Variants in SETBP1 observed in about 807,000 individuals in gnomAD.
SETBP1 encodes the protein SET-binding protein.
In SETBP1, 9 loss-of-function variants were observed where a neutral mutation model predicts 101.0. The observed-to-expected ratio is 0.09, with a 90% CI of 0.05 to 0.16. The LOEUF (loss-of-function observed/expected upper bound fraction) is 0.16. SETBP1 is among the 10% of genes least tolerant of loss of function. SETBP1 has a pLI of 1.00. For missense variants in SETBP1, 1,858 were observed against 2,033.8 expected (o/e 0.91, Z 1.66); for synonymous variants, 818 against 788.5 (o/e 1.04, Z -0.63).
intron 2 of SETBP1, among the ~76,000 whole-genome samples, chr18:44,832,533 G>A (rs1219802467): frequency 1.3e-5 from 2 of 152,218 alleles, no homozygotes; most frequent in African/African-American, 4.8e-5. Flanking sequence ...ATCCCAGGAT[G>A]CAAACTAGTC....
intron 3 of SETBP1, among the ~76,000 whole-genome samples, chr18:44,918,256 T>A (rs1169889600): frequency 6.6e-6 from 1 of 152,222 alleles, no homozygotes; most frequent in Non-Finnish European, 1.5e-5. Context: ...TTATACTTTC[T>A]GGCAACATGC....
chr18:44,768,825 C>T (rs909305143), intron 2 of SETBP1, among the ~76,000 whole-genome samples: 5 of 152,210 alleles, frequency 3.3e-5, no homozygotes, highest in African/African-American at 4.8e-5. Flanking sequence ...CTCCTGGAAA[C>T]CCTCATAAGA....
chr18:45,013,532 C>T (rs942440364), intron 4 of SETBP1, among the ~76,000 whole-genome samples: 11 of 152,136 alleles, frequency 7.2e-5, no homozygotes, highest in South Asian at 6.2e-4. Flanking sequence ...TTCTGCCTCC[C>T]GGGTTCAAGC....
chr18:44,864,440 C>G (rs1555693159), intron 2 of SETBP1, among the ~76,000 whole-genome samples: 2 of 151,416 alleles, frequency 1.3e-5, no homozygotes, highest in African/African-American at 2.4e-5. Flanking sequence ...CCCTCAAGCT[C>G]AGAGAGAGAG....
intron 1 of SETBP1, among the ~76,000 whole-genome samples, chr18:44,700,240 G>A (rs901587110): frequency 1.1e-4 from 16 of 152,118 alleles, no homozygotes; most frequent in African/African-American, 3.9e-4. Context: ...AGTTTGGAGA[G>A]AGCCTAACTG....
At chr18:45,031,745 A>C (rs1252561264) in intron 4 of SETBP1, among the ~76,000 whole-genome samples, 1 of 152,134 alleles carries the variant, frequency 6.6e-6, no homozygotes, top group Non-Finnish European at 1.5e-5. Context: ...GTAACCCCAA[A>C]ACTTTTACAA....
Position 45,011,485 on chromosome 18 carries a change from T to C in SETBP1, c.4001-27000T>C, listed in dbSNP as rs183274067. Among the ~76,000 whole-genome samples, 53 of 152,328 alleles carry C rather than the reference T, an allele frequency of 3.5e-4. No homozygotes were observed. In the East Asian group the frequency reaches 9.4e-3, roughly 27 times the overall value. On this transcript the variant is annotated intron_variant, in intron 4 of 5. Transcript: ENST00000649279. Reference sequence around the variant, plus strand: ...AAGGGTGTCTCAGTGGAAATCACCATGCTGCTTCCTTCATCCACAGAGTCT... The same window carrying C: ...AAGGGTGTCTCAGTGGAAATCACCACGCTGCTTCCTTCATCCACAGAGTCT...
chr18:44,989,868 C>CAAAAAAAAAAAAAA (rs1169222498), intron 4 of SETBP1, among the ~76,000 whole-genome samples: 1 of 15,426 alleles, frequency 6.5e-5, no homozygotes, highest in Non-Finnish European at 1.2e-4. Context: ...GACTCCGTCT[C>CAAAAAAAAAAAAAA]AAAAAAAAAA....
At chr18:44,790,405 T>C (rs2071345804) in intron 2 of SETBP1, among the ~76,000 whole-genome samples, 1 of 152,184 alleles carries the variant, frequency 6.6e-6, no homozygotes. Flanking sequence ...GAGCAGAAGG[T>C]ATTTATTAGA....
At chr18:44,814,294 T>G (rs1164532844) in intron 2 of SETBP1, among the ~76,000 whole-genome samples, 1 of 152,198 alleles carries the variant, frequency 6.6e-6, no homozygotes, top group Non-Finnish European at 1.5e-5. Flanking sequence ...AGATGCAAGA[T>G]AGTTGTGGTA....
chr18:44,830,577 G>C (rs115280000), intron 2 of SETBP1, among the ~76,000 whole-genome samples: 4,932 of 152,198 alleles, frequency 0.032, 274 homozygotes, highest in African/African-American at 0.11. Context: ...TATACGAAGG[G>C]TGTTTCTGCT....
At chr18:44,912,476 CTT>C (rs1176417163) in intron 3 of SETBP1, among the ~76,000 whole-genome samples, 1 of 152,044 alleles carries the variant, frequency 6.6e-6, no homozygotes, top group Non-Finnish European at 1.5e-5. Flanking sequence ...TTTAAGGAAA[CTT>C]TTTGTTTTTT....
chr18:44,830,748 A>G (rs556878750), intron 2 of SETBP1, among the ~76,000 whole-genome samples: 2 of 152,304 alleles, frequency 1.3e-5, no homozygotes, highest in East Asian at 1.9e-4. Flanking sequence ...AAAACCACAC[A>G]CAAGTTTTAA....
intron 2 of SETBP1, among the ~76,000 whole-genome samples, chr18:44,711,704 ATTTTTT>A (rs11376628): frequency 5.6e-5 from 7 of 125,654 alleles, no homozygotes; most frequent in African/African-American, 9.2e-5. Context: ...TTATCTTTAA[ATTTTTT>A]TTTTTTTTTT....
intron 4 of SETBP1, among the ~76,000 whole-genome samples, chr18:44,975,731 A>T (rs1431528330): frequency 1.3e-5 from 2 of 152,226 alleles, no homozygotes; most frequent in Non-Finnish European, 2.9e-5. Context: ...AGGAAAAGTC[A>T]TCTTTTCCCA....
At chr18:45,048,625 T>C (rs906623780) in intron 5 of SETBP1, among the ~76,000 whole-genome samples, 1 of 150,938 alleles carries the variant, frequency 6.6e-6, no homozygotes, top group South Asian at 2.1e-4. Flanking sequence ...TTGTCAACCT[T>C]TTTTTTTTAA....
intron 2 of SETBP1, among the ~76,000 whole-genome samples, chr18:44,744,897 G>T (rs2070200293): frequency 6.6e-6 from 1 of 152,042 alleles, no homozygotes; most frequent in African/African-American, 2.4e-5. Flanking sequence ...TCAGGGCATT[G>T]TCCAGGGTGG....
chr18:44,738,380 AAAG>A (rs1417052500), intron 2 of SETBP1, among the ~76,000 whole-genome samples: 15 of 152,364 alleles, frequency 9.8e-5, no homozygotes, highest in Admixed American at 6.5e-4. Context: ...CATAGCCCTG[AAAG>A]AAGAATTATG....
At chr18:44,968,541 G>C (rs2071771998) in intron 4 of SETBP1, among the ~76,000 whole-genome samples, 1 of 152,178 alleles carries the variant, frequency 6.6e-6, no homozygotes, top group Admixed American at 6.5e-5. Context: ...AGTAGGCCTT[G>C]AGAGGGCGCT....
Sources: gnomAD v4.1 joint callset for allele counts (sites outside exome capture counted in the v4.1 genomes callset) on GRCh38, gnomAD v4.1.1 for gene constraint, MANE v1.5 for transcripts, NCBI Gene and HGNC (gene_info 2026-07-23, HGNC 2026-07-21) for gene names.